Variants in PRR16 observed in about 807,000 individuals in gnomAD.
PRR16 encodes protein Largen.
In PRR16, 6 loss-of-function variants were observed where a neutral mutation model predicts 18.2. The ratio of observed to expected loss-of-function variants is 0.33; its 90% CI spans 0.18 to 0.65. The LOEUF (loss-of-function observed/expected upper bound fraction) is 0.65, where lower values mean the gene tolerates loss of function less well. Among genes scored for constraint, PRR16 ranks in the 30% least tolerant of loss-of-function variants. The pLI is 0.74. For missense variants in PRR16, 412 were observed against 376.6 expected, an observed-to-expected ratio of 1.09 and a Z score of -0.78; for synonymous variants, 151 against 147.8, an observed-to-expected ratio of 1.02 and a Z score of -0.16.
chr5:120,596,254 T>G (rs1561565111), intron 1 of PRR16, among the ~76,000 whole-genome samples: 1 of 151,780 alleles, frequency 6.6e-6, no homozygotes, highest in Non-Finnish European at 1.5e-5. Flanking sequence ...AGTCTTTTTC[T>G]TTTCCTACAT....
chr5:120,531,717 A>T (rs1333448219), intron 1 of PRR16, among the ~76,000 whole-genome samples: 3 of 152,122 alleles, frequency 2.0e-5, no homozygotes, highest in African/African-American at 4.8e-5. Flanking sequence ...CTAGATTGGC[A>T]TGCATTTGAT....
intron 1 of PRR16, among the ~76,000 whole-genome samples, chr5:120,626,931 T>C (rs1008606137): frequency 1.3e-5 from 2 of 152,154 alleles, no homozygotes; most frequent in Non-Finnish European, 2.9e-5. Flanking sequence ...TTGTCCTTCA[T>C]TTAAAATTTG....
the PRR16 span, among the ~76,000 whole-genome samples, chr5:120,697,135 G>C: frequency 6.6e-6 from 1 of 152,172 alleles, no homozygotes; most frequent in South Asian, 2.1e-4. Flanking sequence ...TGGAGAAAAA[G>C]TTGCTTTTTC....
chr5:120,709,209 A>T, the PRR16 span, among the ~76,000 whole-genome samples: 3 of 151,460 alleles, frequency 2.0e-5, no homozygotes, highest in Non-Finnish European at 4.4e-5. Context: ...GGGTTTCACC[A>T]TGTTAGCCAG....
At chr5:120,571,867 T>G (rs946851420) in intron 1 of PRR16, among the ~76,000 whole-genome samples, 1 of 152,156 alleles carries the variant, frequency 6.6e-6, no homozygotes, top group Non-Finnish European at 1.5e-5. Flanking sequence ...GCTGATGGCT[T>G]GTCTATAGGA....
intron 1 of PRR16, among the ~76,000 whole-genome samples, chr5:120,642,990 A>G (rs1000627074): frequency 2.6e-5 from 4 of 152,140 alleles, no homozygotes; most frequent in South Asian, 2.1e-4. Context: ...TCATTAATCA[A>G]TATTTGTGAC....
the PRR16 span, among the ~76,000 whole-genome samples, chr5:120,697,835 G>C: frequency 6.6e-6 from 1 of 152,176 alleles, no homozygotes; most frequent in African/African-American, 2.4e-5. Context: ...TTAAGGCAAG[G>C]ACCTTAAGTT....
At chr5:120,778,831 G>A in the PRR16 span, among the ~76,000 whole-genome samples, 1 of 152,102 alleles carries the variant, frequency 6.6e-6, no homozygotes, top group Non-Finnish European at 1.5e-5. Flanking sequence ...TTGTAAAGAT[G>A]AAAGCAGCAT....
At chr5:120,578,187 G>T (rs2112748819) in intron 1 of PRR16, among the ~76,000 whole-genome samples, 1 of 152,212 alleles carries the variant, frequency 6.6e-6, no homozygotes, top group South Asian at 2.1e-4. Context: ...TTGCTTGATT[G>T]TGGTTTTATT....
chr5:120,684,539 C>A (rs1247038818), intron 1 of PRR16, among the ~76,000 whole-genome samples: 1 of 152,194 alleles, frequency 6.6e-6, no homozygotes, highest in Non-Finnish European at 1.5e-5. Context: ...TGTCTCCTTA[C>A]ATAAACTATT....
intron 1 of PRR16, among the ~76,000 whole-genome samples, chr5:120,490,780 G>A (rs1205830410): frequency 6.6e-6 from 1 of 152,028 alleles, no homozygotes; most frequent in African/African-American, 2.4e-5. Context: ...CCATCTTTGT[G>A]CTTTTACCTA....
intron 1 of PRR16, among the ~76,000 whole-genome samples, chr5:120,673,058 A>G (rs911374199): frequency 2.0e-5 from 3 of 152,236 alleles, no homozygotes; most frequent in South Asian, 4.1e-4. Context: ...TAAAGTTAGT[A>G]ATGACATTTC....
At chr5:120,616,216 C>A (rs144851307) in intron 1 of PRR16, among the ~76,000 whole-genome samples, 1,750 of 152,210 alleles carry the variant, frequency 0.011, 19 homozygotes, top group Middle Eastern at 0.031. Flanking sequence ...TTTATTCATA[C>A]CTCGTTTGAA....
At chr5:120,504,299 G>A (rs1750569135) in intron 1 of PRR16, among the ~76,000 whole-genome samples, 1 of 152,098 alleles carries the variant, frequency 6.6e-6, no homozygotes, top group Non-Finnish European at 1.5e-5. Context: ...TTGTAAAAAT[G>A]GCATTGGCAA....
At chr5:120,615,409 AT>A (rs1341475985) in intron 1 of PRR16, among the ~76,000 whole-genome samples, 16 of 128,992 alleles carry the variant, frequency 1.2e-4, no homozygotes, top group Non-Finnish European at 1.9e-4. Context: ...TTTTGATAAA[AT>A]TTTTTTTTTG....
At chr5:120,754,427 A>ATATATACTATATAT in the PRR16 span, among the ~76,000 whole-genome samples, 2 of 87,540 alleles carry the variant, frequency 2.3e-5, no homozygotes, top group Admixed American at 1.8e-4. Flanking sequence ...ATATTATATA[A>ATATATACTATATAT]TATATAGTAT....
intron 1 of PRR16, among the ~76,000 whole-genome samples, chr5:120,566,168 A>G (rs1252270377): frequency 6.6e-6 from 1 of 152,176 alleles, no homozygotes; most frequent in Admixed American, 6.6e-5. Flanking sequence ...AAAGGAGCCC[A>G]GCCCCATTTT....
At chr5:120,544,071 A>G (rs1455593705) in intron 1 of PRR16, among the ~76,000 whole-genome samples, 1 of 152,162 alleles carries the variant, frequency 6.6e-6, no homozygotes, top group Non-Finnish European at 1.5e-5. Context: ...TGCGATCATC[A>G]TGGGAGCAGA....
At chr5:120,781,382 G>C in the PRR16 span, 1 of 152,248 alleles carries the variant, frequency 6.6e-6, no homozygotes, top group Admixed American at 6.5e-5. Flanking sequence ...TGCTACTTTT[G>C]ATGAAAATGG....
Sources: allele counts gnomAD v4.1 joint callset (sites outside exome capture counted in the v4.1 genomes callset), GRCh38; gene constraint gnomAD v4.1.1; transcripts MANE v1.5; gene names NCBI Gene and HGNC (gene_info 2026-07-23, HGNC 2026-07-21).